MAMLD1: variants seen among roughly 807,000 people sequenced by gnomAD.
The protein encoded by MAMLD1 is mastermind like domain containing 1.
A neutral mutation model predicts 45.0 loss-of-function variants in MAMLD1; 14 were observed. That is an observed-to-expected ratio of 0.31 (90% CI 0.21 to 0.49). The LOEUF is 0.49. MAMLD1 is among the 20% of genes least tolerant of loss of function. MAMLD1 has a pLI of 0.99. For missense variants in MAMLD1, 543 were observed against 603.6 expected (o/e 0.90, Z 1.05); for synonymous variants, 254 against 247.8 (o/e 1.02, Z -0.24).
At chrX:150,465,239 C>T (rs1380383531) in intron 3 of MAMLD1, among the ~76,000 whole-genome samples, 1 of 112,208 alleles carries the variant, frequency 8.9e-6, no homozygotes, top group Non-Finnish European at 1.9e-5. Context: ...TCCTTATGCT[C>T]ATTTCATGGA....
intron 1 of MAMLD1, among the ~76,000 whole-genome samples, chrX:150,366,690 G>T (rs1222458265): frequency 1.8e-5 from 2 of 111,500 alleles, no homozygotes; most frequent in African/African-American, 3.3e-5. Flanking sequence ...AAAGTGATGG[G>T]CTCCTATACT....
At chrX:150,465,052 C>T (rs1437045733) in intron 3 of MAMLD1, among the ~76,000 whole-genome samples, 7 of 111,892 alleles carry the variant, frequency 6.3e-5, no homozygotes, top group African/African-American at 2.3e-4. Context: ...ATAAGTCTCC[C>T]TGAGTTTATC....
Position 150,512,041 on chromosome X carries a change from C to A in MAMLD1, c.*82C>A. On this transcript the variant is annotated 3_prime_UTR_variant, in exon 8 of 8. Coordinates refer to ENST00000370401, the MANE Select transcript of MAMLD1 (RefSeq NM_005491.5). ...AAGTCACCTCCAAGTGTAGCCGGAT[C>A]AAGGCAAGCCCCCCATCTAGCAAGC... 1 of 1,109,979 alleles carries A rather than the reference C, an allele frequency of 9.0e-7. No homozygotes were observed. Among genetic ancestry groups the A allele is most frequent in the Non-Finnish European group, 1.2e-6 (1 of 847,025 alleles). The allele number at this position is 1,109,979 out of a possible 1,213,427, so 91.5% of individuals were successfully genotyped here.
intron 1 of MAMLD1, among the ~76,000 whole-genome samples, chrX:150,414,919 T>C (rs2034212187): frequency 9.0e-6 from 1 of 111,449 alleles, no homozygotes; most frequent in East Asian, 2.8e-4. Flanking sequence ...ATATCAGTCA[T>C]ATAGACAAGT....
intron 2 of MAMLD1, among the ~76,000 whole-genome samples, chrX:150,458,484 G>A (rs2035939264): frequency 9.0e-6 from 1 of 111,475 alleles, no homozygotes; most frequent in Non-Finnish European, 1.9e-5. Context: ...CTAAGACCCG[G>A]TACCTAATTT....
intron 1 of MAMLD1, among the ~76,000 whole-genome samples, chrX:150,370,604 C>G (rs2031896561): frequency 9.0e-6 from 1 of 110,943 alleles, no homozygotes; most frequent in South Asian, 3.9e-4. Context: ...AATTACCAGC[C>G]CAGGGCTGCT....
At chrX:150,363,869 G>A (rs993038138) in intron 1 of MAMLD1, among the ~76,000 whole-genome samples, 2 of 112,897 alleles carry the variant, frequency 1.8e-5, no homozygotes, top group Non-Finnish European at 3.8e-5. Flanking sequence ...TGGGCTACTG[G>A]GAGGCTCCCA....
At chrX:150,364,133 T>C in intron 1 of MAMLD1, among the ~76,000 whole-genome samples, 1 of 113,016 alleles carries the variant, frequency 8.8e-6, no homozygotes, top group Middle Eastern at 4.2e-3. Context: ...CAGCCCGGAC[T>C]GGGTTCCTGC....
intron 1 of MAMLD1, among the ~76,000 whole-genome samples, chrX:150,370,287 A>G (rs975971241): frequency 9.0e-6 from 1 of 111,710 alleles, no homozygotes; most frequent in Non-Finnish European, 1.9e-5. Context: ...GCAAAGCTCA[A>G]TTGGAACTGG....
Position 150,512,599 on chromosome X carries a change from C to G in MAMLD1, c.*640C>G. The G allele has an allele frequency of 8.7e-7, 1 of 1,152,111 alleles. No individual in the cohort carries two copies. Among genetic ancestry groups the G allele is most frequent in the Non-Finnish European group, 1.1e-6 (1 of 870,233 alleles). 94.9% of individuals were successfully genotyped at this position (1,152,111 alleles called of 1,213,427 possible). A position where few individuals can be genotyped will look rare whatever the true frequency, so the allele number is the denominator to read the frequency against. ...AAGTGCCCCTGGCCAACAACCCCAGCTTCAGCCTGCTGGGCAGCCAGAGCC... is the reference window on the plus strand; with the variant it reads ...AAGTGCCCCTGGCCAACAACCCCAGGTTCAGCCTGCTGGGCAGCCAGAGCC... On this transcript the variant is annotated 3_prime_UTR_variant, in exon 8 of 8. Transcript: ENST00000370401.
chrX:150,412,713 G>T (rs1381732290), intron 1 of MAMLD1, among the ~76,000 whole-genome samples: 1 of 108,731 alleles, frequency 9.2e-6, no homozygotes, highest in African/African-American at 3.3e-5. Flanking sequence ...TTGTTTTTTT[G>T]TTTGTTTGTT....
Position 150,471,355 on chromosome X carries a change from G to T in MAMLD1, c.1782G>T (p.Leu594Phe). Residue 594 changes from leucine (L) to phenylalanine (F), a missense_variant, in exon 4 of 8, where the codon TTG (leucine) becomes TTT (phenylalanine). Leu to Phe is a conservative substitution (Grantham distance 22). Transcript: ENST00000370401. Reference sequence around the variant, plus strand: ...CCTCCTCCACGGCCACTGCCACCTTGCAGCTGCAGCAGCAGCAGCAGCAAC... The same window carrying T: ...CCTCCTCCACGGCCACTGCCACCTTTCAGCTGCAGCAGCAGCAGCAGCAAC... ...ATASSTATAT[L>F]QLQQQQQQQQ... 8.3e-7 allele frequency: 1 copy of T among 1,209,755 alleles called. No individual in the cohort carries two copies. The highest frequency in any genetic ancestry group is 1.1e-6 in the Non-Finnish European group (1 of 894,783).
At chrX:150,482,468 A>G (rs1435151060) in intron 5 of MAMLD1, among the ~76,000 whole-genome samples, 2 of 112,674 alleles carry the variant, frequency 1.8e-5, no homozygotes, top group East Asian at 2.8e-4. Context: ...CTGTGAGTGC[A>G]CTTAATGCCA....
At chrX:150,462,183 T>C (rs2036062354) in intron 2 of MAMLD1, among the ~76,000 whole-genome samples, 1 of 112,440 alleles carries the variant, frequency 8.9e-6, no homozygotes, top group African/African-American at 3.2e-5. Flanking sequence ...AGAGTTAAAC[T>C]GGTCTGGAGT....
intron 1 of MAMLD1, among the ~76,000 whole-genome samples, chrX:150,393,237 TATACATGTGAA>T (rs2033266054): frequency 8.9e-6 from 1 of 111,994 alleles, no homozygotes; most frequent in Non-Finnish European, 1.9e-5. Context: ...CACTTAGCAA[TATACATGTGAA>T]ATTCCTCTGT....
chrX:150,508,387 T>C (rs1164798328), intron 6 of MAMLD1, among the ~76,000 whole-genome samples: 1 of 85,168 alleles, frequency 1.2e-5, no homozygotes, highest in Non-Finnish European at 2.2e-5. Flanking sequence ...GCCTTGCCAA[T>C]GCTTTGGCAG....
intron 1 of MAMLD1, among the ~76,000 whole-genome samples, chrX:150,402,803 T>C (rs1239071555): frequency 1.8e-5 from 2 of 111,030 alleles, no homozygotes; most frequent in African/African-American, 6.6e-5. Context: ...ATCATCATTC[T>C]CAGTAAACTA....
chrX:150,439,663 G>T (rs1229427765), intron 1 of MAMLD1, among the ~76,000 whole-genome samples: 1 of 111,938 alleles, frequency 8.9e-6, no homozygotes, highest in East Asian at 2.8e-4. Context: ...GGCCAGGCAT[G>T]GTGGCTCACG....
intron 5 of MAMLD1, among the ~76,000 whole-genome samples, chrX:150,481,972 G>GAA (rs1491182899): frequency 1.7e-5 from 1 of 58,125 alleles, no homozygotes; most frequent in Non-Finnish European, 3.2e-5. Context: ...AAAAAAGAAA[G>GAA]AAAGAAAGAA....
Sources: gnomAD v4.1 joint callset for allele counts (sites outside exome capture counted in the v4.1 genomes callset) on GRCh38, gnomAD v4.1.1 for gene constraint, MANE v1.5 for transcripts, NCBI Gene and HGNC (gene_info 2026-07-23, HGNC 2026-07-21) for gene names.